Variants in FARP1 observed in about 807,000 individuals in gnomAD.
FARP1 encodes the protein FERM, ARH/RhoGEF and pleckstrin domain protein 1, also known as FERM, ARHGEF and pleckstrin domain-containing protein 1.
FARP1 carries 52 observed loss-of-function variants against 128.8 expected under a neutral mutation model. The observed-to-expected ratio is 0.40, with a 90% confidence interval of 0.32 to 0.51. The LOEUF is 0.51. FARP1 is among the 20% of genes least tolerant of loss of function. The pLI is 0.45. For missense variants in FARP1, 1,333 were observed against 1,367.9 expected (o/e 0.97, Z 0.40); for synonymous variants, 580 against 551.8 (o/e 1.05, Z -0.72).
intron 16 of FARP1, among the ~76,000 whole-genome samples, chr13:98,416,339 G>C (rs1457691186): frequency 6.6e-6 from 1 of 152,134 alleles, no homozygotes; most frequent in Non-Finnish European, 1.5e-5. Context: ...CCTTCCCTTC[G>C]CAGTCCTGCA....
intron 2 of FARP1, among the ~76,000 whole-genome samples, chr13:98,305,586 G>A (rs1394406932): frequency 2.0e-5 from 3 of 152,098 alleles, no homozygotes; most frequent in African/African-American, 7.2e-5. Flanking sequence ...CGCCCATCTC[G>A]GCCTCCCAAA....
At chr13:98,286,530 T>C (rs1388400055) in intron 2 of FARP1, among the ~76,000 whole-genome samples, 1 of 152,188 alleles carries the variant, frequency 6.6e-6, no homozygotes, top group Non-Finnish European at 1.5e-5. Context: ...TCTCTTCTCT[T>C]GTCTGCCGCC....
intron 3 of FARP1, among the ~76,000 whole-genome samples, chr13:98,363,631 G>A (rs1407966403): frequency 2.0e-5 from 3 of 152,148 alleles, no homozygotes; most frequent in Non-Finnish European, 2.9e-5. Context: ...TTAAGAGATT[G>A]CCAAAATTAT....
chr13:98,254,852 G>C (rs1326089621), intron 2 of FARP1, among the ~76,000 whole-genome samples: 1 of 152,128 alleles, frequency 6.6e-6, no homozygotes, highest in Non-Finnish European at 1.5e-5. Context: ...GGATATTCAG[G>C]AACCATTTCA....
chr13:98,427,241 T>C (rs982327459), intron 17 of FARP1, among the ~76,000 whole-genome samples: 1 of 152,186 alleles, frequency 6.6e-6, no homozygotes, highest in Non-Finnish European at 1.5e-5. Flanking sequence ...GTTTTATCTT[T>C]CCAGATGTCA....
At chr13:98,375,918 C>A (rs1172009271) in intron 5 of FARP1, among the ~76,000 whole-genome samples, 1 of 152,110 alleles carries the variant, frequency 6.6e-6, no homozygotes, top group Non-Finnish European at 1.5e-5. Context: ...CGTGCGGCCC[C>A]AACAGGTAAT....
intron 2 of FARP1, among the ~76,000 whole-genome samples, chr13:98,259,211 C>T (rs1472665443): frequency 3.9e-5 from 6 of 152,050 alleles, no homozygotes; most frequent in Non-Finnish European, 2.9e-5. Flanking sequence ...GAGCAAGACC[C>T]TGTCTCAAAA....
chr13:98,278,599 T>A (rs374587012), intron 2 of FARP1, among the ~76,000 whole-genome samples: 22 of 152,258 alleles, frequency 1.4e-4, no homozygotes, highest in African/African-American at 5.1e-4. Context: ...GAGTGTATAT[T>A]GATTGGCATA....
intron 1 of FARP1, among the ~76,000 whole-genome samples, chr13:98,198,142 A>C (rs368545700): frequency 3.8e-4 from 58 of 152,200 alleles, no homozygotes; most frequent in African/African-American, 1.2e-3. Context: ...GGACCTCAGC[A>C]ATCAGCTGAA....
At chr13:98,288,036 G>A (rs1418809617) in intron 2 of FARP1, among the ~76,000 whole-genome samples, 2 of 152,046 alleles carry the variant, frequency 1.3e-5, no homozygotes, top group African/African-American at 2.4e-5. Context: ...TCCTGACCTC[G>A]TGATCCGCCC....
chr13:98,416,566 A>C (rs1230804049), intron 16 of FARP1, among the ~76,000 whole-genome samples: 2 of 152,238 alleles, frequency 1.3e-5, no homozygotes, highest in Non-Finnish European at 2.9e-5. Flanking sequence ...TTCTTCAAAA[A>C]CAAGGAAACT....
At chr13:98,325,713 T>G (rs56974827) in intron 2 of FARP1, among the ~76,000 whole-genome samples, 2,267 of 152,326 alleles carry the variant, frequency 0.015, 58 homozygotes, top group African/African-American at 0.052. Context: ...CTCAAGAATA[T>G]TTGTCATAAT....
At chr13:98,404,225 C>T (rs1166627814) in intron 13 of FARP1, 1 of 152,198 alleles carries the variant, frequency 6.6e-6, no homozygotes, top group Non-Finnish European at 1.5e-5. Flanking sequence ...GAAGCTGATG[C>T]TTAGCTGCTT....
intron 4 of FARP1, among the ~76,000 whole-genome samples, chr13:98,366,264 A>G (rs1473702820): frequency 6.6e-6 from 1 of 152,208 alleles, no homozygotes; most frequent in Non-Finnish European, 1.5e-5. Context: ...ATTGATGTGG[A>G]TGTAATAAAC....
intron 1 of FARP1, among the ~76,000 whole-genome samples, chr13:98,150,152 C>T (rs1420420435): frequency 6.6e-6 from 1 of 152,060 alleles, no homozygotes; most frequent in African/African-American, 2.4e-5. Context: ...GATTCTTCTG[C>T]CTCAGCCTCC....
At chr13:98,312,869 C>T (rs974810216) in intron 2 of FARP1, among the ~76,000 whole-genome samples, 35 of 152,116 alleles carry the variant, frequency 2.3e-4, no homozygotes, top group African/African-American at 8.2e-4. Context: ...CTTTACAGTG[C>T]GGCTTCTGAC....
rs757256329 is a variant in FARP1 at position 98,390,160 on chromosome 13, G to A, written c.1019+40G>A. ...TTGTGCCTCTGTTTGCTGGGTGCAC[G>A]TTTTTCCTCCCGCCTCTCACAGCCG... On this transcript the variant is annotated intron_variant, in intron 10 of 26. Coordinates refer to ENST00000319562, the MANE Select transcript of FARP1 (RefSeq NM_005766.4). 1.1e-5 allele frequency: 17 copies of A among 1,590,874 alleles called. 1 individual carries two copies. The South Asian group carries it at 1.5e-4, about 14-fold the overall frequency.
intron 3 of FARP1, 91 bp from the exon 4 acceptor site, chr13:98,365,304 T>G: frequency 1.0e-6 from 1 of 998,664 alleles, no homozygotes; most frequent in South Asian, 1.4e-5. Flanking sequence ...CAAAAATATT[T>G]TGATTTTAAA....
At chr13:98,256,176 G>A (rs536526377) in intron 2 of FARP1, among the ~76,000 whole-genome samples, 11 of 152,228 alleles carry the variant, frequency 7.2e-5, no homozygotes, top group Admixed American at 2.6e-4. Context: ...CCTAAGTTAC[G>A]GTTCATCATT....
Sources: gnomAD v4.1 joint callset for allele counts (sites outside exome capture counted in the v4.1 genomes callset) on GRCh38, gnomAD v4.1.1 for gene constraint, MANE v1.5 for transcripts, NCBI Gene and HGNC (gene_info 2026-07-23, HGNC 2026-07-21) for gene names.